Variants in SCHIP1 observed in about 807,000 individuals in gnomAD.
SCHIP1 encodes the protein schwannomin interacting protein 1, also known as schwannomin-interacting protein 1.
In SCHIP1, 8 loss-of-function variants were observed where a neutral mutation model predicts 29.7. That is an observed-to-expected ratio of 0.27 (90% confidence interval 0.16 to 0.49). The LOEUF is 0.49. Ranked by LOEUF, SCHIP1 falls within the 20% of genes least tolerant of loss-of-function variation. The pLI, the probability that SCHIP1 is intolerant of heterozygous loss-of-function variation, is 0.99. For missense variants in SCHIP1, 193 were observed against 294.6 expected, an observed-to-expected ratio of 0.66 and a Z score of 2.52; for synonymous variants, 76 against 94.9, an observed-to-expected ratio of 0.80 and a Z score of 1.16.
At chr3:159,278,792 T>C in the SCHIP1 span, among the ~76,000 whole-genome samples, 2 of 152,112 alleles carry the variant, frequency 1.3e-5, no homozygotes, top group Non-Finnish European at 2.9e-5. Context: ...AACGAAGGGA[T>C]CCCCAAAAGT....
chr3:159,719,010 G>A, the SCHIP1 span, among the ~76,000 whole-genome samples: 1 of 152,156 alleles, frequency 6.6e-6, no homozygotes, highest in African/African-American at 2.4e-5. Context: ...AACCAAAACA[G>A]CATGGTACTG....
At chr3:159,451,938 A>G in the SCHIP1 span, among the ~76,000 whole-genome samples, 7 of 152,044 alleles carry the variant, frequency 4.6e-5, no homozygotes, top group African/African-American at 1.7e-4. Context: ...CCCTCAAATA[A>G]ATATACTCTT....
At chr3:159,405,629 A>G in the SCHIP1 span, among the ~76,000 whole-genome samples, 4 of 152,272 alleles carry the variant, frequency 2.6e-5, no homozygotes, top group South Asian at 2.1e-4. Context: ...CTGTAATCCC[A>G]GCACTTTGGG....
chr3:159,813,572 C>T, the SCHIP1 span, among the ~76,000 whole-genome samples: 8 of 152,148 alleles, frequency 5.3e-5, no homozygotes, highest in Non-Finnish European at 8.8e-5. Flanking sequence ...CCTGTGGTCC[C>T]AGCTACTCAG....
chr3:159,708,258 G>A, the SCHIP1 span, among the ~76,000 whole-genome samples: 6 of 152,210 alleles, frequency 3.9e-5, no homozygotes, highest in African/African-American at 1.4e-4. Flanking sequence ...CAATTGTGAT[G>A]AGACAAATGG....
chr3:159,419,242 T>C, the SCHIP1 span, among the ~76,000 whole-genome samples: 1 of 152,146 alleles, frequency 6.6e-6, no homozygotes, highest in Non-Finnish European at 1.5e-5. Flanking sequence ...TTTCCTCCAT[T>C]GTGAATGGGG....
At chr3:159,396,803 A>AGTT in the SCHIP1 span, among the ~76,000 whole-genome samples, 2 of 151,616 alleles carry the variant, frequency 1.3e-5, no homozygotes, top group Non-Finnish European at 2.9e-5. Context: ...TGTGTCCTGG[A>AGTT]GTTGCTCTTC....
intron 1 of SCHIP1, among the ~76,000 whole-genome samples, chr3:159,843,667 C>CA (rs981270522): frequency 4.6e-5 from 7 of 151,614 alleles, no homozygotes; most frequent in African/African-American, 9.7e-5. Flanking sequence ...AAAAAAAATA[C>CA]AAAAAATCAG....
chr3:159,887,915 AAAGGCTGAAATGC>A lies in SCHIP1; in HGVS notation c.465+15_465+27del. 6.2e-7 allele frequency: 1 copy of A among 1,613,864 alleles called. No individual in the cohort carries two copies. Among genetic ancestry groups the A allele is most frequent in the East Asian group, 2.2e-5 (1 of 44,884 alleles). On this transcript the variant is annotated intron_variant, in intron 4 of 6. Transcript: ENST00000445224. ...TCCCGTCGCTGATCTTGTAAGCAGCAAAGGCTGAAATGCAAGGAAGTGTTTGGGAGCCAGAAAT... is the reference window on the plus strand; with the variant it reads ...TCCCGTCGCTGATCTTGTAAGCAGCAAAGGAAGTGTTTGGGAGCCAGAAAT...
At chr3:159,376,036 T>G in the SCHIP1 span, among the ~76,000 whole-genome samples, 1 of 152,068 alleles carries the variant, frequency 6.6e-6, no homozygotes, top group South Asian at 2.1e-4. Flanking sequence ...TCAACTAACT[T>G]AAAACTATTC....
the SCHIP1 span, among the ~76,000 whole-genome samples, chr3:159,828,413 A>ATG: frequency 1.1e-5 from 1 of 93,192 alleles, no homozygotes; most frequent in Non-Finnish European, 2.6e-5. Flanking sequence ...ATATACGTAT[A>ATG]TATACGTATA....
the SCHIP1 span, among the ~76,000 whole-genome samples, chr3:159,336,176 C>T: frequency 6.6e-6 from 1 of 152,184 alleles, no homozygotes; most frequent in Non-Finnish European, 1.5e-5. Context: ...CCTTCGCTCA[C>T]TTTTTGATGG....
chr3:159,676,787 C>A, the SCHIP1 span, among the ~76,000 whole-genome samples: 1 of 152,208 alleles, frequency 6.6e-6, no homozygotes, highest in African/African-American at 2.4e-5. Flanking sequence ...GGTCATCCAA[C>A]CACCATCATC....
chr3:159,738,203 C>CT, the SCHIP1 span, among the ~76,000 whole-genome samples: 4 of 150,156 alleles, frequency 2.7e-5, no homozygotes, highest in African/African-American at 9.8e-5. Flanking sequence ...AAAAGTCAAT[C>CT]TTTTAGAAAT....
the SCHIP1 span, among the ~76,000 whole-genome samples, chr3:159,636,017 T>C: frequency 6.6e-6 from 1 of 152,208 alleles, no homozygotes; most frequent in Non-Finnish European, 1.5e-5. Flanking sequence ...GAGATTTTAT[T>C]GGCAGTGTTT....
chr3:159,854,558 G>C (rs1157362906), intron 1 of SCHIP1, among the ~76,000 whole-genome samples: 1 of 152,194 alleles, frequency 6.6e-6, no homozygotes, highest in African/African-American at 2.4e-5. Context: ...ACAGGAATGA[G>C]CACCAAGGTG....
chr3:159,293,763 C>T, the SCHIP1 span, among the ~76,000 whole-genome samples: 1 of 152,022 alleles, frequency 6.6e-6, no homozygotes, highest in Admixed American at 6.6e-5. Flanking sequence ...AGATGTCTTT[C>T]AGACAATTTA....
At chr3:159,466,725 T>C in the SCHIP1 span, among the ~76,000 whole-genome samples, 1 of 152,172 alleles carries the variant, frequency 6.6e-6, no homozygotes, top group African/African-American at 2.4e-5. Context: ...AACTAGAGGC[T>C]GACTGAGGAA....
chr3:159,334,620 T>C, the SCHIP1 span, among the ~76,000 whole-genome samples: 1 of 152,166 alleles, frequency 6.6e-6, no homozygotes, highest in African/African-American at 2.4e-5. Context: ...TGAAAAGACA[T>C]ATAAATGAAA....
Sources: allele counts gnomAD v4.1 joint callset (sites outside exome capture counted in the v4.1 genomes callset), GRCh38; gene constraint gnomAD v4.1.1; transcripts MANE v1.5; gene names NCBI Gene and HGNC (gene_info 2026-07-23, HGNC 2026-07-21).